Variants in PIK3C2G observed in about 807,000 individuals in gnomAD.
PIK3C2G encodes the protein phosphatidylinositol 3-kinase C2 domain-containing subunit gamma.
In PIK3C2G, 168 loss-of-function variants were observed where a neutral mutation model predicts 181.1. The ratio of observed to expected loss-of-function variants is 0.93; its 90% CI spans 0.82 to 1.05. The LOEUF (loss-of-function observed/expected upper bound fraction) is 1.05, where lower values mean the gene tolerates loss of function less well. PIK3C2G is among the 50% of genes least tolerant of loss of function. The pLI is 0.00. For missense variants in PIK3C2G, 1,869 were observed against 1,732.8 expected, an observed-to-expected ratio of 1.08 and a Z score of -1.40; for synonymous variants, 573 against 592.2, an observed-to-expected ratio of 0.97 and a Z score of 0.47.
At chr12:18,699,913 A>G in the PIK3C2G span, 25 of 1,612,104 alleles carry the variant, frequency 1.6e-5, no homozygotes, top group Admixed American at 4.0e-4. Flanking sequence ...ATAAATGACA[A>G]GATCAGATAA....
In PIK3C2G at chr12:18,545,561, T is replaced by TA. The variant is rs147846303; in HGVS notation, c.3481-754dup. 2.2e-4 allele frequency among the ~76,000 whole-genome samples: 34 copies of TA among 151,758 alleles called. No individual in the cohort carries two copies. The South Asian group carries it at 5.4e-3, about 24-fold the overall frequency. ...GTTTAGAAAGTTCTATTATTTTCTT[T>TA]AAAAAAAAGTAGTCTAAAGAGATTA... On this transcript the variant is annotated intron_variant, in intron 25 of 32. Transcript: ENST00000538779.
At chr12:18,315,898 T>C (rs1254065942) in intron 6 of PIK3C2G, among the ~76,000 whole-genome samples, 1 of 146,078 alleles carries the variant, frequency 6.8e-6, no homozygotes, top group Non-Finnish European at 1.5e-5. Flanking sequence ...TCCACGTGTG[T>C]GTGTGTGTGT....
intron 31 of PIK3C2G, among the ~76,000 whole-genome samples, chr12:18,632,870 A>G (rs1242845644): frequency 2.6e-5 from 4 of 152,176 alleles, no homozygotes; most frequent in Admixed American, 6.5e-5. Context: ...TCTCTTTTGG[A>G]AACCCCCTCA....
chr12:18,646,936 C>A (rs1950169917), intron 32 of PIK3C2G, among the ~76,000 whole-genome samples: 1 of 151,424 alleles, frequency 6.6e-6, no homozygotes, highest in Admixed American at 6.6e-5. Flanking sequence ...AAAAAAAGAA[C>A]AAGACGTGAA....
At chr12:18,675,765 C>T in the PIK3C2G span, among the ~76,000 whole-genome samples, 1,529 of 151,830 alleles carry the variant, frequency 0.01, 30 homozygotes, top group African/African-American at 0.034. Context: ...AGTGAAATAA[C>T]TCAGAAGTAT....
At chr12:18,690,021 C>T in the PIK3C2G span, among the ~76,000 whole-genome samples, 3 of 152,134 alleles carry the variant, frequency 2.0e-5, no homozygotes, top group African/African-American at 7.2e-5. Flanking sequence ...CCTCAGAATA[C>T]AAACGTGGCA....
At chr12:18,659,827 A>G in the PIK3C2G span, among the ~76,000 whole-genome samples, 1 of 152,132 alleles carries the variant, frequency 6.6e-6, no homozygotes, top group African/African-American at 2.4e-5. Context: ...TAAAGGAGAA[A>G]TTAAGACTCT....
intron 5 of PIK3C2G, among the ~76,000 whole-genome samples, chr12:18,297,555 TC>T (rs1949994157): frequency 6.6e-6 from 1 of 152,042 alleles, no homozygotes; most frequent in South Asian, 2.1e-4. Flanking sequence ...AATCTTCTCT[TC>T]TAGTTTTTTT....
chr12:18,696,248 T>G, the PIK3C2G span: 8 of 1,574,402 alleles, frequency 5.1e-6, no homozygotes, highest in Non-Finnish European at 6.9e-6. Context: ...CTTCCTGGTG[T>G]GAAAAATAAA....
At chr12:18,331,348 A>C (rs1460066152) in intron 8 of PIK3C2G, among the ~76,000 whole-genome samples, 1 of 152,138 alleles carries the variant, frequency 6.6e-6, no homozygotes, top group African/African-American at 2.4e-5. Flanking sequence ...GGTTTCTTAA[A>C]TCACTCAGCA....
At chr12:18,385,365 T>G (rs1943098137) in intron 14 of PIK3C2G, among the ~76,000 whole-genome samples, 1 of 152,104 alleles carries the variant, frequency 6.6e-6, no homozygotes, top group South Asian at 2.1e-4. Context: ...CCGGAAGCAG[T>G]CGACAGAGTG....
At chr12:18,355,579 C>G (rs55705958) in intron 11 of PIK3C2G, among the ~76,000 whole-genome samples, 2 of 151,988 alleles carry the variant, frequency 1.3e-5, no homozygotes, top group South Asian at 2.1e-4. Context: ...GGGTCCCTGG[C>G]CCCAAAGACT....
In PIK3C2G at chr12:18,280,477, T is replaced by C. The variant is rs140178654; in HGVS notation, c.-78-1527T>C. Among the ~76,000 whole-genome samples, 18 of 152,050 alleles carry C rather than the reference T, an allele frequency of 1.2e-4. No homozygotes were observed. The East Asian group carries it at 3.5e-3, about 29-fold the overall frequency. On this transcript the variant is annotated intron_variant, in intron 1 of 32. Transcript: ENST00000538779. ...AGCAAGGCAAGAAGTAGGATGAGTG[T>C]CCAGGATAACACCCTGGGAAAATGT...
chr12:18,496,271 G>C (rs1941004884), intron 21 of PIK3C2G, 117 bp downstream of exon 21: 1 of 670,902 alleles, frequency 1.5e-6, no homozygotes, highest in Non-Finnish European at 2.5e-6. Context: ...AGGTTTTTCA[G>C]TTATTTTAGA....
At chr12:18,305,214 G>A (rs1950368754) in intron 5 of PIK3C2G, among the ~76,000 whole-genome samples, 1 of 152,118 alleles carries the variant, frequency 6.6e-6, no homozygotes. Context: ...GTCCTCATAT[G>A]TAGATACTCT....
At chr12:18,565,120 A>G (rs1945561598) in intron 28 of PIK3C2G, among the ~76,000 whole-genome samples, 1 of 152,140 alleles carries the variant, frequency 6.6e-6, no homozygotes, top group African/African-American at 2.4e-5. Context: ...GACACTCACA[A>G]AGGGGCCCAG....
the PIK3C2G span, among the ~76,000 whole-genome samples, chr12:18,710,352 G>A: frequency 6.6e-6 from 1 of 151,646 alleles, no homozygotes; most frequent in Non-Finnish European, 1.5e-5. Context: ...AGGGGGAATA[G>A]CAAGTACAAA....
intron 16 of PIK3C2G, among the ~76,000 whole-genome samples, chr12:18,405,083 A>T (rs574994029): frequency 5.4e-4 from 82 of 152,322 alleles, no homozygotes; most frequent in African/African-American, 1.9e-3. Flanking sequence ...AGATAATTGC[A>T]TCATTCACCA....
At chr12:18,447,641 T>G (rs1256637881) in intron 18 of PIK3C2G, among the ~76,000 whole-genome samples, 2 of 152,190 alleles carry the variant, frequency 1.3e-5, no homozygotes, top group African/African-American at 4.8e-5. Context: ...GGATATGTTT[T>G]CATAACTACC....
Sources: gnomAD v4.1 joint callset for allele counts (sites outside exome capture counted in the v4.1 genomes callset) on GRCh38, gnomAD v4.1.1 for gene constraint, MANE v1.5 for transcripts, NCBI Gene and HGNC (gene_info 2026-07-23, HGNC 2026-07-21) for gene names.